Variants in GFPT2 observed in about 807,000 individuals in gnomAD.
GFPT2 encodes glutamine--fructose-6-phosphate aminotransferase [isomerizing] 2.
Under a neutral mutation model 85.6 loss-of-function variants are expected in GFPT2, and 62 were observed. The observed-to-expected ratio is 0.72, with a 90% CI of 0.59 to 0.90. The LOEUF is 0.90. Ranked by LOEUF, GFPT2 falls within the 40% of genes least tolerant of loss-of-function variation. The pLI is 0.00. For missense variants in GFPT2, 788 were observed against 893.4 expected, an observed-to-expected ratio of 0.88 and a Z score of 1.50; for synonymous variants, 368 against 344.5, an observed-to-expected ratio of 1.07 and a Z score of -0.75.
intron 1 of GFPT2, among the ~76,000 whole-genome samples, chr5:180,351,611 G>A (rs1223577616): frequency 6.6e-6 from 1 of 152,222 alleles, no homozygotes; most frequent in African/African-American, 2.4e-5. Context: ...CAGAAAATCT[G>A]AAGATACAGG....
rs1006985675 is a variant in GFPT2 at position 180,338,479 on chromosome 5, G to A, written c.115+14C>T. 18 of 1,489,348 alleles carry A rather than the reference G, an allele frequency of 1.2e-5. No individual in the cohort carries two copies. The highest frequency in any genetic ancestry group is 1.1e-4 in the African/African-American group (8 of 72,528). The allele number at this position is 1,489,348 out of a possible 1,614,324, so 92.3% of individuals were successfully genotyped here. A position where few individuals can be genotyped will look rare whatever the true frequency, so the allele number is the denominator to read the frequency against. On this transcript the variant is annotated intron_variant, in intron 2 of 18. Coordinates refer to ENST00000253778, the MANE Select transcript of GFPT2 (RefSeq NM_005110.4). ...CCCGGTCCCCAGCCACGAGGCGGGC[G>A]GCCGCACACCCACCTGCCGAGTCGT...
At chr5:180,302,372 T>C in intron 18 of GFPT2, 51 bp downstream of exon 18, 1 of 1,409,382 alleles carries the variant, frequency 7.1e-7, no homozygotes, top group Non-Finnish European at 9.9e-7. Flanking sequence ...AGAAAGGAAC[T>C]CTGGGGTTAT....
At chr5:180,325,285 C>T (rs576292128) in intron 7 of GFPT2, among the ~76,000 whole-genome samples, 20 of 152,266 alleles carry the variant, frequency 1.3e-4, no homozygotes, top group East Asian at 3.9e-4. Context: ...TCGACGGCAG[C>T]GCATCCCTAT....
chr5:180,347,135 C>A (rs1764625035), intron 1 of GFPT2, among the ~76,000 whole-genome samples: 1 of 152,200 alleles, frequency 6.6e-6, no homozygotes, highest in Admixed American at 6.5e-5. Flanking sequence ...CAAGAGCCTG[C>A]AGAGGGTTGG....
chr5:180,306,838 A>G (rs1174991859), intron 16 of GFPT2, among the ~76,000 whole-genome samples: 1 of 152,196 alleles, frequency 6.6e-6, no homozygotes, highest in African/African-American at 2.4e-5. Flanking sequence ...AGCAACCGCC[A>G]ACCTCTCAGA....
rs961219052 is a variant in GFPT2, at chr5:180,328,158, C to G, written c.596+119G>C. On this transcript the variant is annotated intron_variant, in intron 7 of 18. Transcript: ENST00000253778. The surrounding 1 kb of genome is among the most constrained non-coding windows in gnomAD (Gnocchi z 5.4). ...TCCCCGGGGCTGAGCCACAGTTGTT[C>G]TTTAGACACCACGAGCACCTTTCAG... The G allele has an allele frequency of 8.0e-6, 6 of 750,800 alleles. No homozygotes were observed. In the South Asian group the frequency reaches 9.5e-5, roughly 12 times the overall value. 46.5% of individuals were successfully genotyped at this position (750,800 alleles called of 1,614,324 possible).
chr5:180,302,367 G>T, intron 18 of GFPT2, 56 bp downstream of exon 18: 1 of 1,325,464 alleles, frequency 7.5e-7, no homozygotes, highest in Non-Finnish European at 1.1e-6. Context: ...AGAACAGAAA[G>T]GAACTCTGGG....
intron 14 of GFPT2, among the ~76,000 whole-genome samples, chr5:180,313,447 C>T (rs1449035552): frequency 1.6e-5 from 2 of 128,896 alleles, no homozygotes; most frequent in Non-Finnish European, 3.4e-5. Context: ...AAAAATGAGC[C>T]GGGTGTGGGG....
In GFPT2 at chr5:180,323,736, G is replaced by C. The variant is rs1764162760; in HGVS notation, c.794+452C>G. On this transcript the variant is annotated intron_variant, in intron 9 of 18. Transcript: ENST00000253778. The surrounding 1 kb of genome is among the most constrained non-coding windows in gnomAD (Gnocchi z 4.0). ...CTCACCCCAGGCAAAGGCAGGGAGG[G>C]GCATGGGAGGGACTGAGGTCTAGAC... Among the ~76,000 whole-genome samples the C allele has an allele frequency of 6.6e-6, 1 of 152,158 alleles. No homozygotes were observed. The highest frequency in any genetic ancestry group is 1.5e-5 in the Non-Finnish European group (1 of 68,048).
At chr5:180,305,522 C>T (rs1393552034) in intron 16 of GFPT2, among the ~76,000 whole-genome samples, 1 of 152,196 alleles carries the variant, frequency 6.6e-6, no homozygotes, top group African/African-American at 2.4e-5. Flanking sequence ...TCTCTCGACT[C>T]CCCGCTAGCA....
chr5:180,311,459 T>C (rs549932168), intron 15 of GFPT2, among the ~76,000 whole-genome samples: 13 of 152,320 alleles, frequency 8.5e-5, no homozygotes, highest in Non-Finnish European at 1.8e-4. Context: ...GCAACAGATA[T>C]TGTATCTCAC....
At position 180,330,398 on chromosome 5, in the gene GFPT2, G is replaced by A. The variant is rs558526565; in HGVS notation, c.534+302C>T. 6.6e-6 allele frequency among the ~76,000 whole-genome samples: 1 copy of A among 152,142 alleles called. No homozygotes were observed. The highest frequency in any genetic ancestry group is 6.5e-5 in the Admixed American group (1 of 15,272). On this transcript the variant is annotated intron_variant, in intron 6 of 18. Transcript: ENST00000253778. This position sits in a 1 kb window ranked among gnomAD's most constrained non-coding sequence, Gnocchi z 4.4. ...GCACACCACCACCAAGCTCACGTGT[G>A]CATCATAAAAAGCCACGGACTCTAA...
Position 180,317,073 on chromosome 5 carries a change from G to T in GFPT2, c.959-15C>A. On this transcript the variant is annotated splice_polypyrimidine_tract_variant and intron_variant, in intron 10 of 18. Coordinates refer to ENST00000253778, the MANE Select transcript of GFPT2 (RefSeq NM_005110.4). ...ACTGAAGTTACCTGGTCAAATAAAC[G>T]TCTGGTCAGTTTTAATTTCATTATA... 1.4e-6 allele frequency: 2 copies of T among 1,459,876 alleles called. No individual in the cohort carries two copies. Among genetic ancestry groups the T allele is most frequent in the Non-Finnish European group, 9.6e-7 (1 of 1,039,066 alleles). 90.4% of individuals were successfully genotyped at this position (1,459,876 alleles called of 1,614,324 possible).
chr5:180,348,961 C>T (rs984526524), intron 1 of GFPT2, among the ~76,000 whole-genome samples: 2 of 151,218 alleles, frequency 1.3e-5, no homozygotes, highest in Non-Finnish European at 2.9e-5. Flanking sequence ...AGGATGGTCT[C>T]GATCTCCTGA....
intron 7 of GFPT2, among the ~76,000 whole-genome samples, chr5:180,327,552 CCTCTGCCCTT>C (rs1764231581): frequency 6.6e-6 from 1 of 152,214 alleles, no homozygotes; most frequent in South Asian, 2.1e-4. Flanking sequence ...GCATCACTAT[CCTCTGCCCTT>C]CTCTGCCCTC....
intron 6 of GFPT2, among the ~76,000 whole-genome samples, chr5:180,329,993 C>A (rs143912463): frequency 3.3e-5 from 5 of 152,186 alleles, no homozygotes; most frequent in Admixed American, 2.6e-4. Context: ...TGGGCCATTC[C>A]GTTCCACATA....
chr5:180,322,427 T>C (rs1764137726), intron 9 of GFPT2, among the ~76,000 whole-genome samples: 1 of 152,252 alleles, frequency 6.6e-6, no homozygotes, highest in Non-Finnish European at 1.5e-5. Flanking sequence ...AGTATTTTTG[T>C]TAAAATTTAC....
At chr5:180,307,405 C>T in intron 15 of GFPT2, 102 bp from the exon 16 acceptor site, 1 of 1,119,260 alleles carries the variant, frequency 8.9e-7, no homozygotes, top group Non-Finnish European at 1.3e-6. Flanking sequence ...TTTGAAACCG[C>T]ATCACTTAGC....
Position 180,301,469 on chromosome 5 carries a change from G to C in GFPT2, c.*95C>G. 9.4e-7 allele frequency: 1 copy of C among 1,063,526 alleles called. No individual in the cohort carries two copies. The highest frequency in any genetic ancestry group is 1.5e-6 in the Non-Finnish European group (1 of 680,396). The allele number at this position is 1,063,526 out of a possible 1,614,324, so 65.9% of individuals were successfully genotyped here. On this transcript the variant is annotated 3_prime_UTR_variant, in exon 19 of 19. Transcript: ENST00000253778. ...CTCTACAGGAGCACGCAGAACATGTGGGATGTCCACTTCTCTTCCCATGTA... is the reference window on the plus strand; with the variant it reads ...CTCTACAGGAGCACGCAGAACATGTCGGATGTCCACTTCTCTTCCCATGTA...
Sources: gnomAD v4.1 joint callset for allele counts (sites outside exome capture counted in the v4.1 genomes callset) on GRCh38, gnomAD v4.1.1 for gene constraint, Gnocchi (gnomAD v3.1) non-coding constraint, MANE v1.5 for transcripts, NCBI Gene and HGNC (gene_info 2026-07-23, HGNC 2026-07-21) for gene names.